EPB41L1: variants seen among roughly 807,000 people sequenced by gnomAD.
The protein encoded by EPB41L1 is band 4.1-like protein 1.
A neutral mutation model predicts 97.8 loss-of-function variants in EPB41L1; 29 were observed. The ratio of observed to expected loss-of-function variants is 0.30; its 90% CI spans 0.22 to 0.40. The LOEUF is 0.40. Among genes scored for constraint, EPB41L1 ranks in the 10% least tolerant of loss-of-function variants. The probability of loss-of-function intolerance (pLI) is 1.00; values close to 1 mark genes in which losing one functional copy is unlikely to be tolerated. For synonymous variants in EPB41L1, 383 were observed against 459.2 expected (o/e 0.83, Z 2.12); for missense variants, 812 against 1,162.3 (o/e 0.70, Z 4.38).
At chr20:36,210,528 A>G (rs2063073251) in intron 15 of EPB41L1, among the ~76,000 whole-genome samples, 2 of 151,548 alleles carry the variant, frequency 1.3e-5, no homozygotes, top group South Asian at 4.2e-4. Flanking sequence ...CCTCCCTCCT[A>G]CACTCTCCTT....
chr20:36,187,531 T>G, intron 7 of EPB41L1, 145 bp from the exon 8 acceptor site: 2 of 724,332 alleles, frequency 2.8e-6, no homozygotes, highest in Non-Finnish European at 4.9e-6. Flanking sequence ...ACCCTCCTGC[T>G]CTGAGGGCAG....
chr20:36,175,409 T>C (rs1438018566), intron 2 of EPB41L1, 142 bp from the exon 3 acceptor site: 2 of 919,232 alleles, frequency 2.2e-6, no homozygotes, highest in Admixed American at 3.9e-5. Context: ...TGGACCCTAG[T>C]TGCCCTGTGG....
chr20:36,190,013 A>C lies in EPB41L1; in HGVS notation c.1027-264A>C, dbSNP rs1422142481. ...CAGCCTAGGCAACATAGTGAGACTC[A>C]TTCTCTACAAAAAATTAGCTGGTGT... On this transcript the variant is annotated intron_variant, in intron 9 of 21. Transcript: ENST00000338074. This position sits in a 1 kb window ranked among gnomAD's most constrained non-coding sequence, Gnocchi z 5.8. 6.6e-6 allele frequency among the ~76,000 whole-genome samples: 1 copy of C among 151,998 alleles called. No individual in the cohort carries two copies. The highest frequency in any genetic ancestry group is 1.5e-5 in the Non-Finnish European group (1 of 67,976).
chr20:36,165,814 T>G (rs1569180995), intron 1 of EPB41L1, among the ~76,000 whole-genome samples: 1 of 152,204 alleles, frequency 6.6e-6, no homozygotes, highest in Non-Finnish European at 1.5e-5. Context: ...TATATTTCCT[T>G]TTCAATCTTG....
rs6121173 is a variant in EPB41L1, at chr20:36,170,383, T to C, written c.-14-3381T>C. Among the ~76,000 whole-genome samples the C allele has an allele frequency of 6.0e-3, 918 of 152,318 alleles. 10 individuals are homozygous for C. Among genetic ancestry groups the C allele is most frequent in the African/African-American group, 0.021 (865 of 41,576 alleles). ...CCCAGAAATAACTATAGTTAATACT[T>C]TGCTGAGTTTTCTGTATCTGTGCAT... On this transcript the variant is annotated intron_variant, in intron 1 of 21. Transcript: ENST00000338074.
At chr20:36,116,534 A>C in intron 2 of EPB41L1, among the ~76,000 whole-genome samples, 1 of 152,210 alleles carries the variant, frequency 6.6e-6, no homozygotes, top group Non-Finnish European at 1.5e-5. Flanking sequence ...GGGCACCAAC[A>C]GCTGTCAGTG....
In EPB41L1 at chr20:36,232,379, A is replaced by C. The variant is rs1380532735; in HGVS notation, c.*3039A>C. 5.4e-6 allele frequency: 2 copies of C among 370,362 alleles called. No individual in the cohort carries two copies. The allele number at this position is 370,362 out of a possible 1,614,324, so 22.9% of individuals were successfully genotyped here. A position where few individuals can be genotyped will look rare whatever the true frequency, so the allele number is the denominator to read the frequency against. ...CACCATGTGACATCAGGCTATCCCC[A>C]TTCCCCCTCTTGGGCCTCAGTTTCC... is the stretch of plus-strand genomic sequence containing the variant. On this transcript the variant is annotated 3_prime_UTR_variant, in exon 22 of 22. Transcript: ENST00000338074.
intron 11 of EPB41L1, among the ~76,000 whole-genome samples, chr20:36,193,046 C>T (rs1168195059): frequency 6.6e-6 from 1 of 152,166 alleles, no homozygotes; most frequent in Non-Finnish European, 1.5e-5. Flanking sequence ...CTTGGGTAGA[C>T]AGAGGACTGA....
At chr20:36,128,425 G>A (rs1323800188) in intron 2 of EPB41L1, among the ~76,000 whole-genome samples, 1 of 152,186 alleles carries the variant, frequency 6.6e-6, no homozygotes, top group Non-Finnish European at 1.5e-5. Context: ...TTGGCCTTGG[G>A]TGGATGGGGG....
At position 36,190,180 on chromosome 20, in the gene EPB41L1, A is replaced by C; in HGVS notation, c.1027-97A>C. The C allele has an allele frequency of 9.5e-7, 1 of 1,050,506 alleles. No individual in the cohort carries two copies. Among genetic ancestry groups the C allele is most frequent in the Non-Finnish European group, 1.4e-6 (1 of 690,558 alleles). The allele number at this position is 1,050,506 out of a possible 1,614,324, so 65.1% of individuals were successfully genotyped here. A position where few individuals can be genotyped will look rare whatever the true frequency, so the allele number is the denominator to read the frequency against. The stretch of plus-strand genomic sequence containing the variant: ...AAATGATCGAGACCCTGTGTCTCAA[A>C]AAAACATTAAACAAATAAAATAAAA... On this transcript the variant is annotated intron_variant, in intron 9 of 21. Transcript: ENST00000338074. This position sits in a 1 kb window ranked among gnomAD's most constrained non-coding sequence, Gnocchi z 5.8.
intron 1 of EPB41L1, among the ~76,000 whole-genome samples, chr20:36,171,705 G>A (rs1005976733): frequency 1.3e-5 from 2 of 152,092 alleles, no homozygotes; most frequent in Non-Finnish European, 2.9e-5. Context: ...TGAGATGCAG[G>A]GAGAAAAACT....
intron 1 of EPB41L1, among the ~76,000 whole-genome samples, chr20:36,172,066 G>A (rs1356287778): frequency 1.3e-5 from 2 of 152,106 alleles, no homozygotes; most frequent in African/African-American, 2.4e-5. Flanking sequence ...AAGTACGTAT[G>A]TATATTTTAT....
At position 36,209,296 on chromosome 20, in the gene EPB41L1, G is replaced by A. The variant is rs1043782813; in HGVS notation, c.1669-192G>A. 5.3e-5 allele frequency among the ~76,000 whole-genome samples: 8 copies of A among 152,062 alleles called. No individual in the cohort carries two copies. Among genetic ancestry groups the A allele is most frequent in the Admixed American group, 2.0e-4 (3 of 15,262 alleles). Reference sequence around the variant, plus strand: ...AAAGGGGCATCTCCACTCTTGAGTCGTTTTTGTTTTTTTTATGCTTGTTAT... The same window carrying A: ...AAAGGGGCATCTCCACTCTTGAGTCATTTTTGTTTTTTTTATGCTTGTTAT... On this transcript the variant is annotated intron_variant, in intron 14 of 21. Coordinates refer to ENST00000338074, the MANE Select transcript of EPB41L1 (RefSeq NM_012156.2). This position sits in a 1 kb window ranked among gnomAD's most constrained non-coding sequence, Gnocchi z 4.2.
At chr20:36,132,735 A>G (rs540123329) in intron 2 of EPB41L1, among the ~76,000 whole-genome samples, 2 of 148,368 alleles carry the variant, frequency 1.3e-5, no homozygotes, top group East Asian at 2.0e-4. Context: ...GGTATGAGAG[A>G]TTCTGTATGA....
chr20:36,229,298 A>G, intron 21 of EPB41L1, 34 bp from the exon 22 acceptor site: 1 of 871,526 alleles, frequency 1.1e-6, no homozygotes, highest in Non-Finnish European at 1.7e-6. Flanking sequence ...CCCACTCCCC[A>G]CCCCCCATTC....
intron 2 of EPB41L1, among the ~76,000 whole-genome samples, chr20:36,175,017 C>T (rs2061163908): frequency 6.6e-6 from 1 of 152,176 alleles, no homozygotes; most frequent in Non-Finnish European, 1.5e-5. Flanking sequence ...TTAACACCTT[C>T]CTTAATTCAC....
At chr20:36,228,069 T>C (rs1028638793) in intron 21 of EPB41L1, among the ~76,000 whole-genome samples, 3 of 152,240 alleles carry the variant, frequency 2.0e-5, no homozygotes, top group Non-Finnish European at 4.4e-5. Flanking sequence ...GGTTTTCCTA[T>C]GTGTCAAATG....
intron 21 of EPB41L1, among the ~76,000 whole-genome samples, 175 bp downstream of exon 21, chr20:36,222,569 C>T (rs756888524): frequency 1.3e-5 from 2 of 152,126 alleles, no homozygotes; most frequent in Non-Finnish European, 2.9e-5. Flanking sequence ...CCCCGAGATA[C>T]AAGTCGGTGG....
At chr20:36,220,838 A>T (rs2063737455) in intron 19 of EPB41L1, among the ~76,000 whole-genome samples, 1 of 152,110 alleles carries the variant, frequency 6.6e-6, no homozygotes, top group African/African-American at 2.4e-5. Context: ...GGAGGAAGGC[A>T]GGAGGGCGCC....
Sources: gnomAD v4.1 joint callset for allele counts (sites outside exome capture counted in the v4.1 genomes callset) on GRCh38, gnomAD v4.1.1 for gene constraint, Gnocchi (gnomAD v3.1) non-coding constraint, MANE v1.5 for transcripts, NCBI Gene and HGNC (gene_info 2026-07-23, HGNC 2026-07-21) for gene names.